Variants in ERBIN observed in about 807,000 individuals in gnomAD.
ERBIN encodes the protein erbb2 interacting protein.
Under a neutral mutation model 158.4 loss-of-function variants are expected in ERBIN, and 60 were observed. The observed-to-expected ratio is 0.38, with a 90% confidence interval of 0.31 to 0.47. The LOEUF (loss-of-function observed/expected upper bound fraction) is 0.47, where lower values mean the gene tolerates loss of function less well. ERBIN is among the 20% of genes least tolerant of loss of function. The pLI is 0.99. For synonymous variants in ERBIN, 594 were observed against 557.2 expected, an observed-to-expected ratio of 1.07 and a Z score of -0.93; for missense variants, 1,610 against 1,648.0, an observed-to-expected ratio of 0.98 and a Z score of 0.40.
In ERBIN at chr5:66,075,173, TCC is replaced by T; in HGVS notation, c.3907_3908del (p.Pro1303IlefsTer9). 1 of 1,614,110 alleles carries T rather than the reference TCC, an allele frequency of 6.2e-7. No individual in the cohort carries two copies. The part of the protein sequence containing the change: ...YLMLKVAHQP[P>X]YTQPHCSPRQ... The stretch of plus-strand genomic sequence containing the variant: ...TGATGCTGAAAGTGGCCCACCAGCC[TCC>T]ATATACACAGCCCCATTGTTCTCCT... On this transcript the variant is annotated frameshift_variant, in exon 23 of 26. Transcript: ENST00000284037. LOFTEE classifies it high-confidence loss of function.
rs74610715 is a variant in ERBIN, at chr5:65,994,239, T to C, written c.190-508T>C. ...CTTCCTTAGCTAGTTCTAGAGAATA[T>C]AGAGGACCAAAATTTGTCTCCTTCT... On this transcript the variant is annotated intron_variant, in intron 3 of 25. Coordinates refer to ENST00000284037, the MANE Select transcript of ERBIN (RefSeq NM_001253697.2). 1.8e-3 allele frequency among the ~76,000 whole-genome samples: 279 copies of C among 152,304 alleles called. 1 individual carries two copies. The highest frequency in any genetic ancestry group is 6.4e-3 in the African/African-American group (265 of 41,574).
intron 1 of ERBIN, among the ~76,000 whole-genome samples, chr5:65,987,306 G>A (rs1751338086): frequency 6.6e-6 from 1 of 151,514 alleles, no homozygotes; most frequent in Non-Finnish European, 1.5e-5. Flanking sequence ...GCTGAATTGA[G>A]TGGGAGGATT....
chr5:65,981,706 A>G (rs1750680884), intron 1 of ERBIN, among the ~76,000 whole-genome samples: 1 of 152,142 alleles, frequency 6.6e-6, no homozygotes, highest in African/African-American at 2.4e-5. Context: ...TCTCTCCACC[A>G]CTTGGCTTAA....
At chr5:66,067,488 A>C (rs1176037312) in intron 21 of ERBIN, among the ~76,000 whole-genome samples, 3 of 152,238 alleles carry the variant, frequency 2.0e-5, no homozygotes, top group African/African-American at 7.2e-5. Flanking sequence ...ACGGCAGTTC[A>C]TAACACTGGG....
intron 17 of ERBIN, among the ~76,000 whole-genome samples, chr5:66,044,858 C>G (rs542936495): frequency 1.7e-4 from 26 of 151,876 alleles, no homozygotes; most frequent in African/African-American, 4.6e-4. Context: ...GGGATGGTCA[C>G]TTACACCGAG....
At chr5:65,994,686 T>A (rs1366921963) in intron 3 of ERBIN, 61 bp from the exon 4 acceptor site, 2 of 905,904 alleles carry the variant, frequency 2.2e-6, no homozygotes, top group Non-Finnish European at 3.4e-6. Context: ...TAATAAAAGT[T>A]AGTTCATGAA....
Position 66,054,234 on chromosome 5 carries a change from T to C in ERBIN, c.2916T>C (p.Tyr972=). 1.2e-6 allele frequency: 2 copies of C among 1,614,170 alleles called. No homozygotes were observed. Among genetic ancestry groups the C allele is most frequent in the Non-Finnish European group, 1.7e-6 (2 of 1,180,026 alleles). The change falls in exon 21 of 26, where the codon TAT becomes TAC. Residue 972 remains tyrosine, a synonymous_variant. Coordinates refer to ENST00000284037, the MANE Select transcript of ERBIN (RefSeq NM_001253697.2). ...GCCCACAATCTGCACCTCAAATATATGGTCCTCCACAGTATAATATCCAAT... is the reference window on the plus strand; with the variant it reads ...GCCCACAATCTGCACCTCAAATATACGGTCCTCCACAGTATAATATCCAAT... ...TSGPQSAPQI[Y]GPPQYNIQYS...
intron 1 of ERBIN, among the ~76,000 whole-genome samples, chr5:65,978,354 A>G (rs1206978957): frequency 1.3e-5 from 2 of 152,126 alleles, no homozygotes; most frequent in Non-Finnish European, 2.9e-5. Context: ...TCATATTTCT[A>G]ATTGTGGAAT....
chr5:66,071,041 C>T (rs1056790028), intron 21 of ERBIN, among the ~76,000 whole-genome samples: 3 of 152,052 alleles, frequency 2.0e-5, no homozygotes, highest in African/African-American at 7.2e-5. Flanking sequence ...GTCTTGCTTC[C>T]TGGCATATTT....
At chr5:65,983,220 A>T (rs559708447) in intron 1 of ERBIN, among the ~76,000 whole-genome samples, 1 of 152,294 alleles carries the variant, frequency 6.6e-6, no homozygotes, top group East Asian at 1.9e-4. Context: ...TCTTGATCAG[A>T]ATTAGGCTGA....
intron 21 of ERBIN, 100 bp downstream of exon 21, chr5:66,055,051 T>G: frequency 7.0e-7 from 1 of 1,435,324 alleles, no homozygotes; most frequent in Non-Finnish European, 9.1e-7. Flanking sequence ...TATCTCTTTA[T>G]ATTCTAGGTG....
chr5:66,013,123 G>T (rs1437541436), intron 5 of ERBIN, among the ~76,000 whole-genome samples: 1 of 152,088 alleles, frequency 6.6e-6, no homozygotes, highest in Non-Finnish European at 1.5e-5. Flanking sequence ...AGTGCACAGG[G>T]CAGCCTATGT....
At chr5:65,927,385 A>T (rs1010989238) in intron 1 of ERBIN, among the ~76,000 whole-genome samples, 5 of 152,260 alleles carry the variant, frequency 3.3e-5, no homozygotes, top group South Asian at 2.1e-4. Context: ...TTTCAGGGTG[A>T]GTAATATATT....
chr5:66,071,376 A>G (rs2151297378), intron 21 of ERBIN, among the ~76,000 whole-genome samples: 1 of 152,260 alleles, frequency 6.6e-6, no homozygotes, highest in South Asian at 2.1e-4. Context: ...CCAAAAAGAA[A>G]GAAAGAAAGA....
At chr5:66,002,275 T>C (rs1187681018) in intron 4 of ERBIN, among the ~76,000 whole-genome samples, 1 of 152,216 alleles carries the variant, frequency 6.6e-6, no homozygotes, top group Non-Finnish European at 1.5e-5. Context: ...GCAATAAACA[T>C]AATGTGTGCA....
At chr5:66,011,516 C>A (rs571133339) in intron 4 of ERBIN, among the ~76,000 whole-genome samples, 2 of 152,004 alleles carry the variant, frequency 1.3e-5, no homozygotes, top group African/African-American at 4.8e-5. Flanking sequence ...GGTGAAACCC[C>A]GTCTCTACTG....
Position 65,926,651 on chromosome 5 carries a change from C to T in ERBIN, c.-213C>T, listed in dbSNP as rs1278308309. 6.6e-6 allele frequency: 1 copy of T among 151,876 alleles called. No homozygotes were observed. Among genetic ancestry groups the T allele is most frequent in the African/African-American group, 2.4e-5 (1 of 41,292 alleles). 9.4% of individuals were successfully genotyped at this position (151,876 alleles called of 1,614,324 possible). On this transcript the variant is annotated 5_prime_UTR_variant, in exon 1 of 26. Transcript: ENST00000284037. ...AAGCCAGCCCGCACCCCAACCCCCA[C>T]CAAAGCCACCTACTCTTCTTCTGTG...
At chr5:65,965,606 T>A (rs1217036153) in intron 1 of ERBIN, among the ~76,000 whole-genome samples, 1 of 152,140 alleles carries the variant, frequency 6.6e-6, no homozygotes, top group African/African-American at 2.4e-5. Flanking sequence ...TTGGTCAGGC[T>A]AATCTTGAAC....
chr5:66,067,636 C>G (rs1161070593), intron 21 of ERBIN, among the ~76,000 whole-genome samples: 1 of 152,168 alleles, frequency 6.6e-6, no homozygotes, highest in Non-Finnish European at 1.5e-5. Context: ...CAAATTTAAG[C>G]AGCAAAGGCC....
Sources: gnomAD v4.1 joint callset for allele counts (sites outside exome capture counted in the v4.1 genomes callset) on GRCh38, gnomAD v4.1.1 for gene constraint, MANE v1.5 for transcripts, NCBI Gene and HGNC (gene_info 2026-07-23, HGNC 2026-07-21) for gene names.